The following TUBB8 variants were observed in gnomAD, a reference collection of about 807,000 sequenced individuals.
The protein encoded by TUBB8 is tubulin beta 8 class VIII.
Under a neutral mutation model 33.7 loss-of-function variants are expected in TUBB8, and 25 were observed. That is an observed-to-expected ratio of 0.74 (90% CI 0.54 to 1.04). The LOEUF is 1.04. Ranked by LOEUF, TUBB8 falls within the 50% of genes least tolerant of loss-of-function variation. The probability of loss-of-function intolerance (pLI) is 0.00; values close to 1 mark genes in which losing one functional copy is unlikely to be tolerated. For missense variants in TUBB8, 279 were observed against 608.0 expected, an observed-to-expected ratio of 0.46 and a Z score of 5.69; for synonymous variants, 245 against 240.1, an observed-to-expected ratio of 1.02 and a Z score of -0.19.
intron 1 of TUBB8, among the ~76,000 whole-genome samples, chr10:68,191 G>T (rs1554741889): frequency 2.0e-5 from 3 of 152,162 alleles, no homozygotes; most frequent in African/African-American, 7.2e-5. Flanking sequence ...ATACTGATAT[G>T]ACACCCACAA....
At chr10:49,014 G>A (rs1230541662) in intron 1 of TUBB8, 102 bp from the exon 2 acceptor site, 29 of 801,232 alleles carry the variant, frequency 3.6e-5, no homozygotes, top group Middle Eastern at 4.4e-4. Flanking sequence ...TCCCTAGGCC[G>A]CCCTGTCCCT....
At chr10:60,912 T>C (rs1554740755) in intron 1 of TUBB8, among the ~76,000 whole-genome samples, 1 of 152,052 alleles carries the variant, frequency 6.6e-6, no homozygotes, top group East Asian at 1.9e-4. Flanking sequence ...AATGATGAGT[T>C]CATGTACTTT....
At chr10:57,167 C>T (rs1698485712) in intron 1 of TUBB8, among the ~76,000 whole-genome samples, 1 of 152,230 alleles carries the variant, frequency 6.6e-6, no homozygotes, top group African/African-American at 2.4e-5. Flanking sequence ...GACGTTTAGA[C>T]CTTGTGGCTT....
At position 47,045 on chromosome 10, in the gene TUBB8, A is replaced by C. The variant is rs782350047; in HGVS notation, c.*12T>G. 24 of 865,790 alleles carry C rather than the reference A, an allele frequency of 2.8e-5. No homozygotes were observed. The Admixed American group carries it at 4.1e-4, about 15-fold the overall frequency. The allele number at this position is 865,790 out of a possible 1,614,324, so 53.6% of individuals were successfully genotyped here. ...CACACTGCTTCCCCCCTTTACCTAG[A>C]AAAGGAGAGTTCTAGGCCACCTCCT... On this transcript the variant is annotated 3_prime_UTR_variant, in exon 4 of 4. Transcript: ENST00000568584.
chr10:69,576 G>A (rs1588281298), intron 1 of TUBB8, among the ~76,000 whole-genome samples: 2 of 152,120 alleles, frequency 1.3e-5, no homozygotes, highest in African/African-American at 2.4e-5. Flanking sequence ...AAAGAAAAAC[G>A]AAATCTCAGT....
chr10:74,638 AAAAAAG>A (rs1318397856), upstream of TUBB8, among the ~76,000 whole-genome samples: 15 of 145,826 alleles, frequency 1.0e-4, no homozygotes, highest in Middle Eastern at 3.5e-3. Flanking sequence ...AAAAAAAAAA[AAAAAAG>A]AAAGAAAGAA....
chr10:75,674 CAAA>C (rs1279701929), upstream of TUBB8, among the ~76,000 whole-genome samples: 1 of 136,600 alleles, frequency 7.3e-6, no homozygotes, highest in African/African-American at 2.7e-5. Context: ...AAAAAAAAGA[CAAA>C]AAGAAGATGG....
At chr10:49,653 T>A (rs1242619521), upstream of TUBB8, 1 of 459,864 alleles carries the variant, frequency 2.2e-6, no homozygotes, top group Non-Finnish European at 4.3e-6. Flanking sequence ...GATGAGTCTT[T>A]TCATCTATTA....
chr10:52,002 G>T (rs1480118781), upstream of TUBB8, among the ~76,000 whole-genome samples: 3 of 152,192 alleles, frequency 2.0e-5, no homozygotes, highest in African/African-American at 7.2e-5. Flanking sequence ...AGAGCACTCA[G>T]GTGAGGGACA....
upstream of TUBB8, chr10:49,414 A>G (rs1245461761): frequency 1.4e-5 from 10 of 719,526 alleles, 1 homozygote; most frequent in Admixed American, 1.2e-4. Context: ...CCACCTGTGG[A>G]TCCCCTGGCG....
intron 1 of TUBB8, among the ~76,000 whole-genome samples, chr10:69,862 G>T (rs1271213009): frequency 4.6e-5 from 7 of 152,354 alleles, no homozygotes; most frequent in Admixed American, 1.3e-4. Context: ...GAGGACTCCA[G>T]CCTGGGCAAT....
intron 3 of TUBB8, 60 bp from the exon 4 acceptor site, chr10:48,174 C>A: frequency 9.1e-7 from 1 of 1,096,530 alleles, no homozygotes; most frequent in East Asian, 2.4e-5. Flanking sequence ...GTGGTCACCA[C>A]CATAATGCAG....
chr10:70,011 C>T (rs1554742104), intron 1 of TUBB8, among the ~76,000 whole-genome samples: 1 of 152,092 alleles, frequency 6.6e-6, no homozygotes, highest in Admixed American at 6.6e-5. Context: ...CCAAGCTAAA[C>T]AAAACACCTA....
At chr10:60,722 C>G (rs2130943158) in intron 1 of TUBB8, among the ~76,000 whole-genome samples, 1 of 152,312 alleles carries the variant, frequency 6.6e-6, no homozygotes, top group East Asian at 1.9e-4. Context: ...CATCCCATTA[C>G]TGGGTATATA....
Position 47,879 on chromosome 10 carries a change from G to C in TUBB8, c.513C>G (p.Pro171=), listed in dbSNP as rs137895574. 381 of 1,614,148 alleles carry C rather than the reference G, an allele frequency of 2.4e-4. No individual in the cohort carries two copies. In the African/African-American group the frequency reaches 3.8e-3, roughly 16 times the overall value. ...CCACGGTGTCCGACACCTTGGGCGA[G>C]GGCAGGATGCTGAATGTGTTTATGA... is the stretch of plus-strand genomic sequence containing the variant. ...DRIINTFSIL[P]SPKVSDTVVE... The change falls in exon 4 of 4, where the codon CCC becomes CCG. Residue 171 remains proline, a synonymous_variant. Coordinates refer to ENST00000568584, the MANE Select transcript of TUBB8 (RefSeq NM_177987.3).
At chr10:48,402 A>T (rs1203903759) in intron 3 of TUBB8, 4 of 642,202 alleles carry the variant, frequency 6.2e-6, no homozygotes, top group Non-Finnish European at 1.1e-5. Context: ...TCTTGCAGGG[A>T]GTTTACATCA....
intron 1 of TUBB8, among the ~76,000 whole-genome samples, chr10:71,293 C>T (rs1834732776): frequency 6.6e-6 from 1 of 150,686 alleles, no homozygotes; most frequent in Non-Finnish European, 1.5e-5. Context: ...CTAGCCTGGG[C>T]AACTGAGTGA....
At chr10:76,139 CAAAAA>C (rs71374333), upstream of TUBB8, among the ~76,000 whole-genome samples, 2 of 73,360 alleles carry the variant, frequency 2.7e-5, no homozygotes, top group Non-Finnish European at 4.8e-5. Context: ...AACTCCGTCT[CAAAAA>C]AAAAAAAAAA....
Position 48,397 on chromosome 10 carries a change from C to T in TUBB8, c.277+218G>A. Reference sequence around the variant, plus strand: ...GCCACGGCCCCAGCTCAGGTTCTTGCAGGGAGTTTACATCAGTAACTCCTC... The same window carrying T: ...GCCACGGCCCCAGCTCAGGTTCTTGTAGGGAGTTTACATCAGTAACTCCTC... On this transcript the variant is annotated intron_variant, in intron 3 of 3. Coordinates refer to ENST00000568584, the MANE Select transcript of TUBB8 (RefSeq NM_177987.3). The T allele has an allele frequency of 6.2e-6, 4 of 641,976 alleles. 1 individual carries two copies. In the South Asian group the frequency reaches 7.5e-5, roughly 12 times the overall value. 39.8% of individuals were successfully genotyped at this position (641,976 alleles called of 1,614,324 possible).
Sources: allele counts gnomAD v4.1 joint callset (sites outside exome capture counted in the v4.1 genomes callset), GRCh38; gene constraint gnomAD v4.1.1; transcripts MANE v1.5; gene names NCBI Gene and HGNC (gene_info 2026-07-23, HGNC 2026-07-21).